Variants in MGAT4D observed in about 807,000 individuals in gnomAD.
The protein encoded by MGAT4D is alpha-1,3-mannosyl-glycoprotein 4-beta-N-acetylglucosaminyltransferase-like protein MGAT4D.
A neutral mutation model predicts 15.9 loss-of-function variants in MGAT4D; 34 were observed. The ratio of observed to expected loss-of-function variants is 2.14; its 90% CI spans 1.62 to 2.84. MGAT4D has a LOEUF of 2.84. MGAT4D is among the 30% of genes most tolerant of loss of function. The pLI is 0.00. For synonymous variants in MGAT4D, 112 were observed against 48.2 expected (o/e 2.33, Z -5.49); for missense variants, 327 against 140.2 (o/e 2.33, Z -6.73).
intron 1 of MGAT4D, among the ~76,000 whole-genome samples, chr4:140,497,467 A>G (rs1733910259): frequency 6.6e-6 from 1 of 151,762 alleles, no homozygotes; most frequent in Non-Finnish European, 1.5e-5. Flanking sequence ...AATTGAAATT[A>G]AACTGGGCAA....
rs562010942 is a variant in MGAT4D at position 140,442,542 on chromosome 4, A to C, written c.*894T>G. The C allele has an allele frequency of 1.1e-4, 17 of 152,310 alleles. 1 individual carries two copies. The South Asian group carries it at 3.3e-3, about 30-fold the overall frequency. 9.4% of individuals were successfully genotyped at this position (152,310 alleles called of 1,614,324 possible). ...AAGGAGTGAAAAGTTTTCAACAACCAAATTAGAAAGCCTGATATAAGAGAA... is the reference window on the plus strand; with the variant it reads ...AAGGAGTGAAAAGTTTTCAACAACCCAATTAGAAAGCCTGATATAAGAGAA... On this transcript the variant is annotated 3_prime_UTR_variant, in exon 11 of 11. Transcript: ENST00000511113.
At chr4:140,444,730 A>G (rs1729975547) in intron 10 of MGAT4D, among the ~76,000 whole-genome samples, 1 of 152,214 alleles carries the variant, frequency 6.6e-6, no homozygotes, top group African/African-American at 2.4e-5. Flanking sequence ...GTATATACCC[A>G]GTAATGGGAT....
chr4:140,445,054 G>GTA (rs70943491), intron 10 of MGAT4D, among the ~76,000 whole-genome samples: 90,476 of 151,424 alleles, frequency 0.6, 28,214 homozygotes, highest in Non-Finnish European at 0.71. Context: ...GCTAATGTTT[G>GTA]TATTTTTTTT....
At chr4:140,453,430 T>TAG (rs1352030348) in intron 9 of MGAT4D, among the ~76,000 whole-genome samples, 2 of 152,010 alleles carry the variant, frequency 1.3e-5, no homozygotes, top group Non-Finnish European at 2.9e-5. Context: ...TTTTAAGGTG[T>TAG]CCAGCATATA....
At chr4:140,473,675 T>C (rs1036720394) in intron 4 of MGAT4D, among the ~76,000 whole-genome samples, 1 of 152,158 alleles carries the variant, frequency 6.6e-6, no homozygotes, top group Non-Finnish European at 1.5e-5. Flanking sequence ...TACTGCCATA[T>C]TTTTACTGGT....
chr4:140,495,515 C>T (rs1733780411), intron 1 of MGAT4D, among the ~76,000 whole-genome samples: 1 of 152,106 alleles, frequency 6.6e-6, no homozygotes, highest in Non-Finnish European at 1.5e-5. Context: ...TTCATTTATT[C>T]ATCCAATATT....
At chr4:140,443,596 T>C (rs1220963322) in intron 10 of MGAT4D, among the ~76,000 whole-genome samples, 152 bp from the exon 11 acceptor site, 2 of 152,112 alleles carry the variant, frequency 1.3e-5, no homozygotes, top group Non-Finnish European at 2.9e-5. Context: ...GGTAACTTTA[T>C]ATTGAGAGAA....
chr4:140,457,048 CTTAA>C (rs1456870153), intron 8 of MGAT4D: 1 of 155,124 alleles, frequency 6.4e-6, no homozygotes, highest in Non-Finnish European at 1.4e-5. Flanking sequence ...TAATCTTTTA[CTTAA>C]TTTTGTACAA....
At chr4:140,465,737 A>C (rs147537753) in intron 5 of MGAT4D, among the ~76,000 whole-genome samples, 165 of 152,322 alleles carry the variant, frequency 1.1e-3, no homozygotes, top group African/African-American at 3.9e-3. Context: ...TTTGTACTAC[A>C]TAAAAAATTT....
chr4:140,469,201 A>G (rs1017985268), intron 5 of MGAT4D, among the ~76,000 whole-genome samples: 1 of 152,232 alleles, frequency 6.6e-6, no homozygotes, highest in Non-Finnish European at 1.5e-5. Context: ...CCACAAAAAT[A>G]GAAATATAAT....
intron 1 of MGAT4D, among the ~76,000 whole-genome samples, chr4:140,485,292 A>G (rs1733028360): frequency 6.6e-6 from 1 of 152,192 alleles, no homozygotes; most frequent in Admixed American, 6.5e-5. Flanking sequence ...TCAGTAAACT[A>G]TCACAAGGAC....
At chr4:140,479,300 A>G (rs1732539715) in intron 3 of MGAT4D, among the ~76,000 whole-genome samples, 190 bp downstream of exon 3, 1 of 152,228 alleles carries the variant, frequency 6.6e-6, no homozygotes, top group African/African-American at 2.4e-5. Context: ...AATTCAAGTC[A>G]CCAAGTGTTT....
At chr4:140,456,050 T>C (rs1323445020) in intron 9 of MGAT4D, among the ~76,000 whole-genome samples, 2 of 152,088 alleles carry the variant, frequency 1.3e-5, no homozygotes, top group Non-Finnish European at 2.9e-5. Context: ...GGTGGGAGGA[T>C]CACCTGAGCC....
intron 10 of MGAT4D, among the ~76,000 whole-genome samples, chr4:140,444,706 T>C (rs1330452468): frequency 1.3e-5 from 2 of 152,194 alleles, no homozygotes; most frequent in East Asian, 3.9e-4. Flanking sequence ...GTAGAACGAT[T>C]TGTATTCCTT....
At chr4:140,483,179 ACATAAACTAAAGTTT>A (rs1732859213) in intron 1 of MGAT4D, among the ~76,000 whole-genome samples, 1 of 152,178 alleles carries the variant, frequency 6.6e-6, no homozygotes, top group Admixed American at 6.5e-5. Context: ...GTGCTGATGC[ACATAAACTAAAGTTT>A]CAGGATACAA....
At chr4:140,461,247 CAA>C (rs1398668582) in intron 7 of MGAT4D, among the ~76,000 whole-genome samples, 1 of 152,058 alleles carries the variant, frequency 6.6e-6, no homozygotes, top group African/African-American at 2.4e-5. Context: ...AACTAGGAAT[CAA>C]AAGAGACCTT....
chr4:140,452,649 A>G (rs1445209036), intron 9 of MGAT4D, among the ~76,000 whole-genome samples: 3 of 152,166 alleles, frequency 2.0e-5, no homozygotes, highest in African/African-American at 7.2e-5. Context: ...TTCTATACAT[A>G]TACTGAATAC....
chr4:140,471,800 A>G lies in MGAT4D; in HGVS notation c.547T>C (p.Ser183Pro). The G allele has an allele frequency of 2.0e-6, 1 of 497,780 alleles. No homozygotes were observed. Among genetic ancestry groups the G allele is most frequent in the South Asian group, 2.3e-5 (1 of 43,646 alleles). 30.8% of individuals were successfully genotyped at this position (497,780 alleles called of 1,614,324 possible). ...TTTTTTGTAATCATTTTAACAACAG[A>G]ATGTAAATAATCTTCATTACTCTAA... ...VADSNEDYLH[S>P]VVKMITKKFK... Residue 183 changes from serine to proline, a missense_variant, in exon 5 of 11, where the codon TCT (serine) becomes CCT (proline). Ser to Pro is a moderately conservative substitution (Grantham distance 74, BLOSUM62 -1). Transcript: ENST00000511113.
chr4:140,494,251 G>A (rs767623054), intron 1 of MGAT4D, among the ~76,000 whole-genome samples: 1 of 152,182 alleles, frequency 6.6e-6, no homozygotes, highest in African/African-American at 2.4e-5. Flanking sequence ...AGACTCTGGC[G>A]ATCAAGGGCC....
Sources: allele counts gnomAD v4.1 joint callset (sites outside exome capture counted in the v4.1 genomes callset), GRCh38; gene constraint gnomAD v4.1.1; transcripts MANE v1.5; gene names NCBI Gene and HGNC (gene_info 2026-07-23, HGNC 2026-07-21).